Variants in TCF3 observed in about 807,000 individuals in gnomAD.
TCF3 encodes the protein transcription factor 3, also known as transcription factor E2-alpha.
In TCF3, 54 loss-of-function variants were observed where a neutral mutation model predicts 72.3. That is an observed-to-expected ratio of 0.75 (90% CI 0.60 to 0.94). The LOEUF (loss-of-function observed/expected upper bound fraction) is 0.94, where lower values mean the gene tolerates loss of function less well. Among genes scored for constraint, TCF3 ranks in the 40% least tolerant of loss-of-function variants. The pLI, the probability that TCF3 is intolerant of heterozygous loss-of-function variation, is 0.00. For synonymous variants in TCF3, 525 were observed against 412.6 expected (o/e 1.27, Z -3.30); for missense variants, 1,078 against 934.4 (o/e 1.15, Z -2.00).
chr19:1,643,526 CTGTT>C (rs1395684296), intron 3 of TCF3, among the ~76,000 whole-genome samples: 2 of 151,512 alleles, frequency 1.3e-5, no homozygotes, highest in Non-Finnish European at 2.9e-5. Context: ...TGGCCCTTTT[CTGTT>C]TGTTTGAGTT....
intron 16 of TCF3, among the ~76,000 whole-genome samples, chr19:1,617,168 C>T (rs1246904650): frequency 6.6e-6 from 1 of 152,184 alleles, no homozygotes; most frequent in African/African-American, 2.4e-5. Flanking sequence ...GGCAACTTGG[C>T]TGCTTTGGAA....
Position 1,611,093 on chromosome 19 carries a change from CA to C in TCF3, c.*613del. ...AAATTTGTTGCTTACAAAACATATG[CA>C]AAAAAAGCTTAAAAAAACCAGAGAC... is the stretch of plus-strand genomic sequence containing the variant. On this transcript the variant is annotated 3_prime_UTR_variant, in exon 19 of 19. Coordinates refer to ENST00000262965, the MANE Select transcript of TCF3 (RefSeq NM_003200.5). The C allele has an allele frequency of 4.3e-6, 1 of 230,722 alleles. No individual in the cohort carries two copies. Among genetic ancestry groups the C allele is most frequent in the East Asian group, 6.2e-5 (1 of 16,176 alleles). 14.3% of individuals were successfully genotyped at this position (230,722 alleles called of 1,614,324 possible). A position where few individuals can be genotyped will look rare whatever the true frequency, so the allele number is the denominator to read the frequency against.
chr19:1,622,936 C>G (rs1256559462), intron 8 of TCF3, among the ~76,000 whole-genome samples: 1 of 152,144 alleles, frequency 6.6e-6, no homozygotes, highest in Non-Finnish European at 1.5e-5. Context: ...CTGTTGGTAA[C>G]GTCTGCTGCT....
intron 2 of TCF3, 93 bp from the exon 3 acceptor site, chr19:1,646,520 G>T: frequency 1.7e-6 from 2 of 1,193,736 alleles, no homozygotes; most frequent in Non-Finnish European, 2.4e-6. Context: ...CAGAGCTGGG[G>T]ACACCCGGGA....
At chr19:1,630,342 A>C (rs2012125) in intron 5 of TCF3, among the ~76,000 whole-genome samples, 47,895 of 152,138 alleles carry the variant, frequency 0.31, 8,620 homozygotes, top group East Asian at 0.83. Flanking sequence ...CACACCCGCC[A>C]GACCTTCACG....
chr19:1,625,766 C>G, intron 6 of TCF3, 58 bp from the exon 7 acceptor site: 1 of 1,435,024 alleles, frequency 7.0e-7, no homozygotes. Context: ...CCAGGCTGTT[C>G]CATTCAAGAA....
rs145394713 is a variant in TCF3, at chr19:1,640,828, A to C, written c.145+5527T>G. Among the ~76,000 whole-genome samples the C allele has an allele frequency of 7.7e-4, 115 of 149,844 alleles. No homozygotes were observed. In the East Asian group the frequency reaches 0.016, roughly 20 times the overall value. On this transcript the variant is annotated intron_variant, in intron 3 of 18. Coordinates refer to ENST00000262965, the MANE Select transcript of TCF3 (RefSeq NM_003200.5). ...CAAAAAAAAAAAAAAAGTGATGTAAATTGTTGTATTACTGATGTTGTTAAA... is the reference window on the plus strand; with the variant it reads ...CAAAAAAAAAAAAAAAGTGATGTAACTTGTTGTATTACTGATGTTGTTAAA...
rs532030020 is a variant in TCF3, at chr19:1,609,719, C to T, written c.*1988G>A. On this transcript the variant is annotated 3_prime_UTR_variant, in exon 19 of 19. Transcript: ENST00000262965. ...AGGCAGCCGGACAGCCCCTCCCCTC[C>T]GCCTGGCCTGGACTGGGGGCAGATA... 3.9e-5 allele frequency: 9 copies of T among 228,498 alleles called. No individual in the cohort carries two copies. The highest frequency in any genetic ancestry group is 1.9e-4 in the East Asian group (3 of 16,022). The allele number at this position is 228,498 out of a possible 1,614,324, so 14.2% of individuals were successfully genotyped here. A position where few individuals can be genotyped will look rare whatever the true frequency, so the allele number is the denominator to read the frequency against.
At chr19:1,621,675 G>C (rs1023940868) in intron 11 of TCF3, among the ~76,000 whole-genome samples, 163 bp downstream of exon 11, 1 of 152,194 alleles carries the variant, frequency 6.6e-6, no homozygotes, top group Non-Finnish European at 1.5e-5. Flanking sequence ...CAACGCACGT[G>C]GCAGGCCCTG....
At chr19:1,625,333 G>A (rs2062752823) in intron 7 of TCF3, among the ~76,000 whole-genome samples, 1 of 152,250 alleles carries the variant, frequency 6.6e-6, no homozygotes. Context: ...CCCGTCAGCT[G>A]CAGGAACCTC....
Position 1,614,522 on chromosome 19 carries a change from T to G in TCF3, c.1822+763A>C, listed in dbSNP as rs2061355677. Among the ~76,000 whole-genome samples, 1 of 151,646 alleles carries G rather than the reference T, an allele frequency of 6.6e-6. No homozygotes were observed. Among genetic ancestry groups the G allele is most frequent in the African/African-American group, 2.4e-5 (1 of 41,212 alleles). On this transcript the variant is annotated intron_variant, in intron 18 of 18. Coordinates refer to ENST00000262965, the MANE Select transcript of TCF3 (RefSeq NM_003200.5). The surrounding 1 kb of genome is among the most constrained non-coding windows in gnomAD (Gnocchi z 5.6). Reference sequence around the variant, plus strand: ...AGGCGGGCTTGGGGGGCGCGAGGCGTGCCACACACGGCTGCAGAGACTCGG... The same window carrying G: ...AGGCGGGCTTGGGGGGCGCGAGGCGGGCCACACACGGCTGCAGAGACTCGG...
At position 1,627,403 on chromosome 19, in the gene TCF3, A is replaced by C; in HGVS notation, c.322T>G (p.Tyr108Asp). 2 of 1,612,062 alleles carry C rather than the reference A, an allele frequency of 1.2e-6. No individual in the cohort carries two copies. The highest frequency in any genetic ancestry group is 8.5e-7 in the Non-Finnish European group (1 of 1,179,726). Residue 108 changes from tyrosine (Y) to aspartate (D), a missense_variant, in exon 6 of 19, where the codon TAT becomes GAT. Tyr to Asp is a radical substitution (Grantham distance 160). Coordinates refer to ENST00000262965, the MANE Select transcript of TCF3 (RefSeq NM_003200.5). ...LGGKSGERGA[Y>D]ASFGRDAGVG... ...CCTGCGTCTCTCCCGAAGGAGGCAT[A>C]GGCGCCCCGCTCACCGCTCTTGCCT...
rs894955369 is a variant in TCF3, at chr19:1,611,501, G to A, written c.*206C>T. On this transcript the variant is annotated 3_prime_UTR_variant, in exon 19 of 19. Transcript: ENST00000262965. ...ACAGGGGGAGCGAGGCCAGTGAGTG[G>A]TAGGCCAGGGCCCCAGGGAGCTCCT... is the stretch of plus-strand genomic sequence containing the variant. The A allele has an allele frequency of 2.6e-5, 15 of 584,726 alleles. No individual in the cohort carries two copies. In the African/African-American group the frequency reaches 2.9e-4, roughly 11 times the overall value. The allele number at this position is 584,726 out of a possible 1,614,324, so 36.2% of individuals were successfully genotyped here.
intron 1 of TCF3, chr19:1,650,491 G>A (rs951830936): frequency 3.8e-6 from 2 of 519,900 alleles, no homozygotes; most frequent in Non-Finnish European, 6.9e-6. Flanking sequence ...GGTCCCTGCA[G>A]AGTCCTCCCC....
intron 18 of TCF3, chr19:1,612,532 G>T: frequency 8.3e-7 from 1 of 1,198,476 alleles, no homozygotes. Context: ...TTGTGTTTGT[G>T]CTGGTGTGGG....
At chr19:1,625,756 C>A in intron 6 of TCF3, 48 bp from the exon 7 acceptor site, 1 of 1,443,000 alleles carries the variant, frequency 6.9e-7, no homozygotes, top group Non-Finnish European at 9.1e-7. Flanking sequence ...CATCCAGACC[C>A]CAGGCTGTTC....
intron 14 of TCF3, 38 bp downstream of exon 14, chr19:1,619,742 G>C: frequency 1.3e-6 from 2 of 1,504,822 alleles, no homozygotes; most frequent in South Asian, 2.4e-5. Context: ...TGCAAATTCT[G>C]TCGGGGAAGG....
chr19:1,620,558 C>T (rs1000917912), intron 13 of TCF3, among the ~76,000 whole-genome samples: 27 of 152,226 alleles, frequency 1.8e-4, no homozygotes, highest in Non-Finnish European at 8.8e-5. Flanking sequence ...CTGCTAGGCA[C>T]GCCAATGTCC....
chr19:1,632,211 G>A, intron 4 of TCF3, 95 bp from the exon 5 acceptor site: 1 of 1,550,544 alleles, frequency 6.4e-7, no homozygotes, highest in Middle Eastern at 1.7e-4. Flanking sequence ...TCAAACCCAT[G>A]TCCCCCAGTC....
Sources: gnomAD v4.1 joint callset for allele counts (sites outside exome capture counted in the v4.1 genomes callset) on GRCh38, gnomAD v4.1.1 for gene constraint, Gnocchi (gnomAD v3.1) non-coding constraint, MANE v1.5 for transcripts, NCBI Gene and HGNC (gene_info 2026-07-23, HGNC 2026-07-21) for gene names.